The following CRISP1 variants were observed in gnomAD, a reference collection of about 807,000 sequenced individuals.
CRISP1 encodes cysteine rich secretory protein 1.
CRISP1 carries 44 observed loss-of-function variants against 33.1 expected under a neutral mutation model. That is an observed-to-expected ratio of 1.33 (90% confidence interval 1.05 to 1.71). CRISP1 has a LOEUF of 1.71. Ranked by LOEUF, CRISP1 falls within the 40% of genes most tolerant of loss-of-function variation. CRISP1 has a pLI of 0.00. For synonymous variants in CRISP1, 103 were observed against 98.7 expected (o/e 1.04, Z -0.26); for missense variants, 390 against 301.2 (o/e 1.29, Z -2.18).
chr6:49,834,984 C>T lies in CRISP1; in HGVS notation c.*332G>A, dbSNP rs780556. On this transcript the variant is annotated 3_prime_UTR_variant, in exon 8 of 8. Transcript: ENST00000335847. ...AGAGTGGTTGAAAATATGGGGAAGGCGGGGGTGGGAGTTGAACCACATAAG... is the reference window on the plus strand; with the variant it reads ...AGAGTGGTTGAAAATATGGGGAAGGTGGGGGTGGGAGTTGAACCACATAAG... 94,704 of 159,638 alleles carry T rather than the reference C, an allele frequency of 0.59. 26,788 individuals are homozygous for T. Among genetic ancestry groups the T allele is most frequent in the East Asian group, 0.93 (5,940 of 6,390 alleles). The allele number at this position is 159,638 out of a possible 1,614,324, so 9.9% of individuals were successfully genotyped here.
chr6:49,840,784 G>A (rs1345899218), intron 6 of CRISP1, 114 bp downstream of exon 6: 2 of 721,436 alleles, frequency 2.8e-6, no homozygotes, highest in Non-Finnish European at 4.6e-6. Context: ...TCCAGCTCTT[G>A]TCTATTATGA....
In CRISP1 at chr6:49,835,235, T is replaced by C. The variant is rs1770746659; in HGVS notation, c.*81A>G. 4 of 1,456,922 alleles carry C rather than the reference T, an allele frequency of 2.7e-6. No individual in the cohort carries two copies. The African/African-American group carries it at 4.2e-5, about 15-fold the overall frequency. 90.2% of individuals were successfully genotyped at this position (1,456,922 alleles called of 1,614,324 possible). ...ATCAGTGAAATTTAGCAGAAGCTAC[T>C]GAACTATAGCAAAAGACATGAATCC... On this transcript the variant is annotated 3_prime_UTR_variant, in exon 8 of 8. Transcript: ENST00000335847.
intron 7 of CRISP1, 57 bp downstream of exon 7, chr6:49,838,380 G>T: frequency 1.7e-6 from 2 of 1,206,320 alleles, no homozygotes; most frequent in Non-Finnish European, 2.4e-6. Context: ...TTTAAAGGAT[G>T]TATGGTTCCC....
At chr6:49,872,718 C>T (rs77170230) in intron 1 of CRISP1, among the ~76,000 whole-genome samples, 28,303 of 151,858 alleles carry the variant, frequency 0.19, 3,433 homozygotes, top group Non-Finnish European at 0.27. Flanking sequence ...TGTAGATATG[C>T]GGCATTATTT....
In CRISP1 at chr6:49,837,485, A is replaced by G. The variant is rs1398657265; in HGVS notation, c.622+952T>C. On this transcript the variant is annotated intron_variant, in intron 7 of 7. Transcript: ENST00000335847. ...GGTGGGGAGGAATCTCTCTCCATCT[A>G]CATTTTTTTCCAGAAACGGGGTATA... Among the ~76,000 whole-genome samples, 4 of 150,524 alleles carry G rather than the reference A, an allele frequency of 2.7e-5. No individual in the cohort carries two copies. The East Asian group carries it at 5.9e-4, about 22-fold the overall frequency.
At chr6:49,871,156 A>C (rs1413315778), upstream of CRISP1, among the ~76,000 whole-genome samples, 2 of 151,914 alleles carry the variant, frequency 1.3e-5, no homozygotes, top group Non-Finnish European at 2.9e-5. Flanking sequence ...AAGAAAGAAA[A>C]AAATAAAAAA....
Position 49,852,085 on chromosome 6 carries a change from C to A in CRISP1, c.111G>T (p.Leu37Phe). The change falls in exon 3 of 8, where the codon TTG (leucine) becomes TTT (phenylalanine). Residue 37 changes from leucine (L) to phenylalanine (F), a missense_variant. Physicochemically the swap from Leu to Phe is conservative, Grantham distance 22. Transcript: ENST00000335847. Reference protein sequence around the residue: ...RDQFNKLVTDLPNVQEEIVNI... With the variant: ...RDQFNKLVTDFPNVQEEIVNI... ...TAACGATCTCTTCTTGTACATTTGG[C>A]AAGTCGGTGACGAGCTTATTAAATT... is the stretch of plus-strand genomic sequence containing the variant. The A allele has an allele frequency of 1.2e-6, 2 of 1,613,266 alleles. No individual in the cohort carries two copies. The highest frequency in any genetic ancestry group is 1.7e-6 in the Non-Finnish European group (2 of 1,179,520).
intron 5 of CRISP1, 52 bp downstream of exon 5, chr6:49,846,468 C>A: frequency 6.4e-7 from 1 of 1,555,416 alleles, no homozygotes. Flanking sequence ...TACGTTTCCA[C>A]ACACATGCTT....
chr6:49,856,112 G>A (rs1446868123), intron 2 of CRISP1, among the ~76,000 whole-genome samples: 1 of 152,144 alleles, frequency 6.6e-6, no homozygotes, highest in Admixed American at 6.6e-5. Context: ...GATTGGGTAT[G>A]GTTTCCCTTG....
chr6:49,836,981 A>T (rs1770819524), intron 7 of CRISP1, among the ~76,000 whole-genome samples: 1 of 151,064 alleles, frequency 6.6e-6, no homozygotes, highest in African/African-American at 2.4e-5. Flanking sequence ...CTATCAGTGG[A>T]TTTTTTTTTC....
At chr6:49,854,742 G>T (rs1287692987) in intron 2 of CRISP1, among the ~76,000 whole-genome samples, 1 of 151,974 alleles carries the variant, frequency 6.6e-6, no homozygotes, top group Non-Finnish European at 1.5e-5. Flanking sequence ...CTCTATTCTA[G>T]GTGATCCACC....
At chr6:49,868,514 TCA>T (rs1476030473), upstream of CRISP1, among the ~76,000 whole-genome samples, 1 of 152,182 alleles carries the variant, frequency 6.6e-6, no homozygotes, top group Non-Finnish European at 1.5e-5. Flanking sequence ...AATCATTTAC[TCA>T]GAGATTGGCT....
intron 3 of CRISP1, among the ~76,000 whole-genome samples, chr6:49,850,745 T>G (rs949677569): frequency 1.3e-5 from 2 of 152,168 alleles, no homozygotes; most frequent in East Asian, 3.8e-4. Flanking sequence ...TTTTCCAGTG[T>G]TTTTTCTGTA....
chr6:49,852,024 G>A lies in CRISP1; in HGVS notation c.172C>T (p.Pro58Ser), dbSNP rs773567666. 1 of 1,610,364 alleles carries A rather than the reference G, an allele frequency of 6.2e-7. No individual in the cohort carries two copies. Among genetic ancestry groups the A allele is most frequent in the African/African-American group, 1.3e-5 (1 of 74,688 alleles). ...HNALRRRVVP[P>S]ASNMLKMSWS... The stretch of plus-strand genomic sequence containing the variant: ...ACCATCTTCAGCATGTTGCTGGCTG[G>A]TGGAACTACTCTTCTCCTGAGGGCG... The change falls in exon 3 of 8, where the codon CCA becomes TCA. Residue 58 changes from proline (P) to serine (S), a missense_variant. Coordinates refer to ENST00000335847, the MANE Select transcript of CRISP1 (RefSeq NM_001131.3).
intron 1 of CRISP1, among the ~76,000 whole-genome samples, chr6:49,873,766 G>C (rs1405357900): frequency 6.6e-6 from 1 of 151,806 alleles, no homozygotes; most frequent in Non-Finnish European, 1.5e-5. Flanking sequence ...AATATTTAAA[G>C]TTTTTTAAAG....
chr6:49,866,492 A>G lies in CRISP1; in HGVS notation c.-66T>C, dbSNP rs1214409400. ...AACCAAGCCTTTCTCTATGTAGTGT[A>G]TTTGTGCTTTTAAATGACAGTCCAC... On this transcript the variant is annotated 5_prime_UTR_variant, in exon 1 of 8. Coordinates refer to ENST00000335847, the MANE Select transcript of CRISP1 (RefSeq NM_001131.3). The G allele has an allele frequency of 1.3e-5, 2 of 152,114 alleles. No individual in the cohort carries two copies. Among genetic ancestry groups the G allele is most frequent in the Non-Finnish European group, 2.9e-5 (2 of 68,010 alleles). The allele number at this position is 152,114 out of a possible 1,614,324, so 9.4% of individuals were successfully genotyped here. A position where few individuals can be genotyped will look rare whatever the true frequency, so the allele number is the denominator to read the frequency against.
chr6:49,841,163 C>G (rs1037832051), intron 5 of CRISP1, among the ~76,000 whole-genome samples, 168 bp from the exon 6 acceptor site: 2 of 152,106 alleles, frequency 1.3e-5, no homozygotes, highest in African/African-American at 4.8e-5. Flanking sequence ...TGTCTGGATA[C>G]CACACATGCA....
chr6:49,862,607 T>A (rs1771683096), intron 1 of CRISP1, among the ~76,000 whole-genome samples: 1 of 152,248 alleles, frequency 6.6e-6, no homozygotes, highest in Non-Finnish European at 1.5e-5. Flanking sequence ...TGAGAATGAT[T>A]ATGGGATAAT....
In CRISP1 at chr6:49,855,527, CT is replaced by C. The variant is rs528318144; in HGVS notation, c.66+1807del. On this transcript the variant is annotated intron_variant, in intron 2 of 7. Coordinates refer to ENST00000335847, the MANE Select transcript of CRISP1 (RefSeq NM_001131.3). ...CATGCCTGTACCTTTGATAGTACAC[CT>C]TGTTAACTTGCAAAGCCAACTTATT... Among the ~76,000 whole-genome samples the C allele has an allele frequency of 1.1e-3, 172 of 151,908 alleles. 1 individual carries two copies. Among genetic ancestry groups the C allele is most frequent in the African/African-American group, 3.9e-3 (163 of 41,438 alleles).
Sources: gnomAD v4.1 joint callset for allele counts (sites outside exome capture counted in the v4.1 genomes callset) on GRCh38, gnomAD v4.1.1 for gene constraint, MANE v1.5 for transcripts, NCBI Gene and HGNC (gene_info 2026-07-23, HGNC 2026-07-21) for gene names.